Variants in TADA2A observed in about 807,000 individuals in gnomAD.
The protein encoded by TADA2A is transcriptional adapter 2-alpha.
A neutral mutation model predicts 67.4 loss-of-function variants in TADA2A; 38 were observed. The ratio of observed to expected loss-of-function variants is 0.56; its 90% confidence interval spans 0.44 to 0.74. The LOEUF (loss-of-function observed/expected upper bound fraction) is 0.74. TADA2A is among the 30% of genes least tolerant of loss of function. The pLI, the probability that TADA2A is intolerant of heterozygous loss-of-function variation, is 0.00. For synonymous variants in TADA2A, 192 were observed against 181.6 expected (o/e 1.06, Z -0.46); for missense variants, 454 against 547.0 (o/e 0.83, Z 1.70).
chr17:37,472,836 T>A (rs998150274), intron 14 of TADA2A, among the ~76,000 whole-genome samples: 2 of 152,176 alleles, frequency 1.3e-5, no homozygotes, highest in African/African-American at 4.8e-5. Flanking sequence ...CACTCCAGCC[T>A]GGGTGACAGA....
intron 14 of TADA2A, among the ~76,000 whole-genome samples, chr17:37,472,264 C>T (rs2053804380): frequency 6.6e-6 from 1 of 151,990 alleles, no homozygotes; most frequent in Non-Finnish European, 1.5e-5. Context: ...TGGGGTTTCG[C>T]CATGCTGGCC....
At chr17:37,431,818 G>A (rs1480834312) in intron 4 of TADA2A, among the ~76,000 whole-genome samples, 1 of 151,916 alleles carries the variant, frequency 6.6e-6, no homozygotes, top group Admixed American at 6.6e-5. Flanking sequence ...TGCCCACCTC[G>A]GCCACCCAAA....
At chr17:37,423,757 T>C in intron 3 of TADA2A, 142 bp downstream of exon 3, 3 of 636,962 alleles carry the variant, frequency 4.7e-6, no homozygotes, top group Non-Finnish European at 7.6e-6. Context: ...TCTTTCTTTT[T>C]TTTTTTTTTT....
At chr17:37,445,131 A>G (rs1369908419) in intron 8 of TADA2A, among the ~76,000 whole-genome samples, 1 of 152,188 alleles carries the variant, frequency 6.6e-6, no homozygotes, top group African/African-American at 2.4e-5. Context: ...TGCTATCACT[A>G]AATGTTCACT....
At chr17:37,418,219 C>T (rs2052112510) in intron 2 of TADA2A, among the ~76,000 whole-genome samples, 1 of 152,162 alleles carries the variant, frequency 6.6e-6, no homozygotes, top group Admixed American at 6.6e-5. Flanking sequence ...ATGGAATTAG[C>T]TTCTAGGTCA....
At chr17:37,451,215 A>G (rs2053223524) in intron 8 of TADA2A, among the ~76,000 whole-genome samples, 1 of 152,114 alleles carries the variant, frequency 6.6e-6, no homozygotes, top group Non-Finnish European at 1.5e-5. Flanking sequence ...AAATTTTTGT[A>G]GAGACAGAAT....
intron 6 of TADA2A, among the ~76,000 whole-genome samples, chr17:37,441,913 G>A (rs1294722769): frequency 1.3e-5 from 2 of 152,116 alleles, no homozygotes; most frequent in Non-Finnish European, 2.9e-5. Flanking sequence ...TGATCTGCCC[G>A]CCTCGGCCTC....
At chr17:37,437,713 T>G (rs774391626) in intron 4 of TADA2A, 25 bp from the exon 5 acceptor site, 2 of 1,610,530 alleles carry the variant, frequency 1.2e-6, no homozygotes, top group Non-Finnish European at 1.7e-6. Context: ...ATCTCTGTTC[T>G]TAAGCAAAAC....
intron 13 of TADA2A, 127 bp downstream of exon 13, chr17:37,470,659 T>C: frequency 9.3e-7 from 1 of 1,071,354 alleles, no homozygotes; most frequent in South Asian, 2.0e-5. Context: ...AGAAATATTT[T>C]AGCAGTCCAT....
In TADA2A at chr17:37,446,717, C is replaced by A. The variant is rs145880151; in HGVS notation, c.604+1949C>A. ...TTTTACAGAATTTTAAAGTCAACAT[C>A]TATAATGTTAATAATGGCTTGACTT... On this transcript the variant is annotated intron_variant, in intron 8 of 15. Transcript: ENST00000615182. 9.1e-3 allele frequency among the ~76,000 whole-genome samples: 1,389 copies of A among 152,166 alleles called. 11 individuals carry two copies. The highest frequency in any genetic ancestry group is 0.024 in the Middle Eastern group (7 of 294).
rs114273064 is a variant in TADA2A at position 37,466,886 on chromosome 17, T to C, written c.824-568T>C. ...AAAAATTATATTTTGCCCAGTGCGG[T>C]GGCTCATTCCTATAATGCCAGCTAC... On this transcript the variant is annotated intron_variant, in intron 11 of 15. Transcript: ENST00000615182. 7.5e-3 allele frequency among the ~76,000 whole-genome samples: 1,135 copies of C among 152,294 alleles called. 6 individuals are homozygous for C. The highest frequency in any genetic ancestry group is 0.026 in the African/African-American group (1,062 of 41,562).
In TADA2A at chr17:37,440,583, C is replaced by T. The variant is rs751122671; in HGVS notation, c.363C>T (p.Asn121=). ...EKHYMKHFIN[N]PLFASTLLNL... ...ACTATATGAAGCATTTCATCAATAACCCTCTGTTTGCATCTACCCTGCTGA... is the reference window on the plus strand; with the variant it reads ...ACTATATGAAGCATTTCATCAATAATCCTCTGTTTGCATCTACCCTGCTGA... The change falls in exon 6 of 16, where the codon AAC becomes AAT. Residue 121 remains asparagine (N), a synonymous_variant. Transcript: ENST00000615182. The T allele has an allele frequency of 9.3e-6, 15 of 1,613,998 alleles. No homozygotes were observed. In the African/African-American group the frequency reaches 1.7e-4, roughly 19 times the overall value.
rs755547198 is a variant in TADA2A at position 37,476,999 on chromosome 17, G to T, written c.*17G>T. 2 of 1,589,968 alleles carry T rather than the reference G, an allele frequency of 1.3e-6. No homozygotes were observed. Among genetic ancestry groups the T allele is most frequent in the Non-Finnish European group, 1.7e-6 (2 of 1,163,666 alleles). On this transcript the variant is annotated 3_prime_UTR_variant, in exon 16 of 16. Coordinates refer to ENST00000615182, the MANE Select transcript of TADA2A (RefSeq NM_001166105.3). ...AAAGGCTAAGGCTCCAAGAGCTTGG[G>T]ATCAGAAGTCAGAAGTTTGGAATGT... is the stretch of plus-strand genomic sequence containing the variant.
chr17:37,438,745 T>G (rs1047735790), intron 5 of TADA2A, among the ~76,000 whole-genome samples: 2 of 152,232 alleles, frequency 1.3e-5, no homozygotes, highest in African/African-American at 4.8e-5. Flanking sequence ...TAATCACTTG[T>G]GAGGAGTTTG....
intron 14 of TADA2A, 78 bp downstream of exon 14, chr17:37,471,215 C>G (rs1179387439): frequency 2.1e-6 from 3 of 1,455,138 alleles, no homozygotes; most frequent in Non-Finnish European, 2.9e-6. Context: ...AGCAATCTTC[C>G]TTCCTCTGTG....
chr17:37,421,674 C>G (rs1342801047), intron 2 of TADA2A, among the ~76,000 whole-genome samples: 11 of 145,146 alleles, frequency 7.6e-5, no homozygotes. Context: ...TGCCTGTAGT[C>G]CCTGCTAGTT....
At chr17:37,430,608 A>T (rs936803884) in intron 4 of TADA2A, among the ~76,000 whole-genome samples, 1 of 152,240 alleles carries the variant, frequency 6.6e-6, no homozygotes, top group Non-Finnish European at 1.5e-5. Flanking sequence ...ACTTCAGTAC[A>T]TAAGAACTGC....
chr17:37,450,175 G>A (rs565437783), intron 8 of TADA2A, among the ~76,000 whole-genome samples: 11 of 152,312 alleles, frequency 7.2e-5, no homozygotes, highest in African/African-American at 1.4e-4. Context: ...ACTCACGAGC[G>A]ACAGGTTGGA....
chr17:37,411,469 C>A, intron 2 of TADA2A, 79 bp downstream of exon 2: 2 of 1,387,196 alleles, frequency 1.4e-6, no homozygotes, highest in African/African-American at 1.4e-5. Context: ...GTTGCCCAGG[C>A]TGGGGTACAG....
Sources: allele counts gnomAD v4.1 joint callset (sites outside exome capture counted in the v4.1 genomes callset), GRCh38; gene constraint gnomAD v4.1.1; transcripts MANE v1.5; gene names NCBI Gene and HGNC (gene_info 2026-07-23, HGNC 2026-07-21).